The following ST6GALNAC5 variants were observed in gnomAD, a reference collection of about 807,000 sequenced individuals.
ST6GALNAC5 encodes ST6 N-acetylgalactosaminide alpha-2,6-sialyltransferase 5.
Under a neutral mutation model 33.6 loss-of-function variants are expected in ST6GALNAC5, and 27 were observed. That is an observed-to-expected ratio of 0.80 (90% CI 0.59 to 1.11). The LOEUF (loss-of-function observed/expected upper bound fraction) is 1.11, where lower values mean the gene tolerates loss of function less well. Among genes scored for constraint, ST6GALNAC5 ranks in the 50% least tolerant of loss-of-function variants. The probability of loss-of-function intolerance (pLI) is 0.00; values close to 1 mark genes in which losing one functional copy is unlikely to be tolerated. For synonymous variants in ST6GALNAC5, 194 were observed against 171.2 expected (o/e 1.13, Z -1.04); for missense variants, 428 against 454.0 (o/e 0.94, Z 0.52).
intron 2 of ST6GALNAC5, among the ~76,000 whole-genome samples, chr1:76,905,229 A>T (rs887333838): frequency 1.3e-5 from 2 of 152,168 alleles, no homozygotes; most frequent in Non-Finnish European, 2.9e-5. Flanking sequence ...CTGAGAAAGG[A>T]TGAGGTGGCG....
chr1:77,058,240 G>T (rs773270803), intron 4 of ST6GALNAC5, among the ~76,000 whole-genome samples: 1 of 152,218 alleles, frequency 6.6e-6, no homozygotes, highest in Non-Finnish European at 1.5e-5. Flanking sequence ...GAGTTTCCTC[G>T]TCTGCAGAGT....
At chr1:76,883,572 C>A (rs1401997667) in intron 2 of ST6GALNAC5, among the ~76,000 whole-genome samples, 1 of 152,154 alleles carries the variant, frequency 6.6e-6, no homozygotes, top group Non-Finnish European at 1.5e-5. Flanking sequence ...GAATACAGAG[C>A]AACATCTCCT....
At chr1:76,980,028 A>G (rs957727728) in intron 2 of ST6GALNAC5, among the ~76,000 whole-genome samples, 32 of 152,196 alleles carry the variant, frequency 2.1e-4, no homozygotes, top group African/African-American at 7.5e-4. Context: ...TGGACTGAGC[A>G]AGGATCTTTT....
chr1:76,978,286 G>T lies in ST6GALNAC5; in HGVS notation c.262-65918G>T, dbSNP rs563622993. 1.2e-3 allele frequency among the ~76,000 whole-genome samples: 179 copies of T among 152,150 alleles called. 1 individual carries two copies. Among genetic ancestry groups the T allele is most frequent in the African/African-American group, 4.2e-3 (176 of 41,502 alleles). Reference sequence around the variant, plus strand: ...ATTCTGTAGGTTGTTTTTTCACTCTGATTTTTTTCCTGTGCTGTACAGAAG... The same window carrying T: ...ATTCTGTAGGTTGTTTTTTCACTCTTATTTTTTTCCTGTGCTGTACAGAAG... On this transcript the variant is annotated intron_variant, in intron 2 of 4. Transcript: ENST00000477717.
intron 2 of ST6GALNAC5, among the ~76,000 whole-genome samples, chr1:76,997,135 T>C (rs1348026363): frequency 6.6e-6 from 1 of 152,216 alleles, no homozygotes; most frequent in Admixed American, 6.5e-5. Context: ...ATTCTTTGTG[T>C]GCTTTTTTCA....
chr1:77,045,580 G>A (rs762561676), intron 3 of ST6GALNAC5, among the ~76,000 whole-genome samples: 1 of 152,138 alleles, frequency 6.6e-6, no homozygotes, highest in Non-Finnish European at 1.5e-5. Context: ...GAAATTACTG[G>A]TCTGGGAGAT....
intron 2 of ST6GALNAC5, among the ~76,000 whole-genome samples, chr1:76,897,947 G>A (rs1406833352): frequency 3.3e-5 from 5 of 152,228 alleles, no homozygotes; most frequent in Admixed American, 1.3e-4. Context: ...AGAAGAGGAC[G>A]GACTTACTTT....
At chr1:76,895,158 C>T (rs1310418922) in intron 2 of ST6GALNAC5, among the ~76,000 whole-genome samples, 1 of 152,154 alleles carries the variant, frequency 6.6e-6, no homozygotes, top group Non-Finnish European at 1.5e-5. Flanking sequence ...AACCGGCCAT[C>T]TGGATGTGTA....
chr1:76,897,457 G>A (rs137964262), intron 2 of ST6GALNAC5, among the ~76,000 whole-genome samples: 5,623 of 152,236 alleles, frequency 0.037, 232 homozygotes, highest in African/African-American at 0.11. Context: ...AGGCCATGCT[G>A]TAGCAGGTGA....
At chr1:77,004,188 T>C (rs959231671) in intron 2 of ST6GALNAC5, among the ~76,000 whole-genome samples, 7 of 151,688 alleles carry the variant, frequency 4.6e-5, no homozygotes, top group Non-Finnish European at 1.0e-4. Flanking sequence ...GCTTTTCTCA[T>C]TTCTTTTTAT....
chr1:76,913,332 C>T (rs1646933702), intron 2 of ST6GALNAC5, among the ~76,000 whole-genome samples: 1 of 151,224 alleles, frequency 6.6e-6, no homozygotes, highest in Non-Finnish European at 1.5e-5. Flanking sequence ...CCCGACCTTT[C>T]TCTCTGGCTG....
intron 2 of ST6GALNAC5, among the ~76,000 whole-genome samples, chr1:76,905,272 G>T (rs78419534): frequency 2.0e-5 from 3 of 152,100 alleles, no homozygotes; most frequent in Non-Finnish European, 4.4e-5. Flanking sequence ...CAGTTACGGG[G>T]CTATTATTTC....
chr1:76,991,175 A>G (rs1649710409), intron 2 of ST6GALNAC5, among the ~76,000 whole-genome samples: 1 of 152,212 alleles, frequency 6.6e-6, no homozygotes, highest in African/African-American at 2.4e-5. Flanking sequence ...AAGAAAATAA[A>G]CAACCCTACA....
intron 2 of ST6GALNAC5, among the ~76,000 whole-genome samples, chr1:77,008,040 A>C (rs1650494413): frequency 6.6e-6 from 1 of 152,148 alleles, no homozygotes; most frequent in Non-Finnish European, 1.5e-5. Context: ...ATCCTATGGG[A>C]GTAGACCAGC....
intron 2 of ST6GALNAC5, among the ~76,000 whole-genome samples, chr1:76,896,201 GA>G (rs1654129759): frequency 6.6e-6 from 1 of 152,198 alleles, no homozygotes; most frequent in African/African-American, 2.4e-5. Flanking sequence ...GGCCTTCTCA[GA>G]CCCTGTAGGA....
At chr1:76,999,579 C>T (rs1329875422) in intron 2 of ST6GALNAC5, among the ~76,000 whole-genome samples, 11 of 150,564 alleles carry the variant, frequency 7.3e-5, no homozygotes, top group Middle Eastern at 3.4e-3. Context: ...CATGCTGGTG[C>T]GCTGCACCCA....
chr1:76,927,783 T>TGC (rs1287302659), intron 2 of ST6GALNAC5, among the ~76,000 whole-genome samples: 1 of 152,132 alleles, frequency 6.6e-6, no homozygotes, highest in East Asian at 1.9e-4. Context: ...ATAAAATGTA[T>TGC]CTATTCTCTT....
intron 2 of ST6GALNAC5, among the ~76,000 whole-genome samples, chr1:76,946,399 C>T (rs1647518786): frequency 6.6e-6 from 1 of 152,114 alleles, no homozygotes; most frequent in African/African-American, 2.4e-5. Context: ...AGTTATGGTG[C>T]TGTTTTAAAA....
chr1:76,868,900 T>C lies in ST6GALNAC5; in HGVS notation c.261+158T>C, dbSNP rs887889080. 1.7e-6 allele frequency: 2 copies of C among 1,177,064 alleles called. No homozygotes were observed. Among genetic ancestry groups the C allele is most frequent in the Non-Finnish European group, 2.3e-6 (2 of 881,518 alleles). 72.9% of individuals were successfully genotyped at this position (1,177,064 alleles called of 1,614,324 possible). A position where few individuals can be genotyped will look rare whatever the true frequency, so the allele number is the denominator to read the frequency against. ...GGGGTAGGGTGGGCTAGTTCCAACT[T>C]GGTATGAATTCTTATTTGGAGAAAG... On this transcript the variant is annotated intron_variant, in intron 2 of 4. Coordinates refer to ENST00000477717, the MANE Select transcript of ST6GALNAC5 (RefSeq NM_030965.3). This position sits in a 1 kb window ranked among gnomAD's most constrained non-coding sequence, Gnocchi z 4.3.
Sources: allele counts gnomAD v4.1 joint callset (sites outside exome capture counted in the v4.1 genomes callset), GRCh38; gene constraint gnomAD v4.1.1; non-coding constraint Gnocchi (gnomAD v3.1); transcripts MANE v1.5; gene names NCBI Gene and HGNC (gene_info 2026-07-23, HGNC 2026-07-21).